Variants in KDM6A observed in about 807,000 individuals in gnomAD.
KDM6A encodes the protein lysine-specific demethylase 6A.
A neutral mutation model predicts 117.6 loss-of-function variants in KDM6A; 11 were observed. That is an observed-to-expected ratio of 0.09 (90% CI 0.06 to 0.15). The LOEUF (loss-of-function observed/expected upper bound fraction) is 0.15. Ranked by LOEUF, KDM6A falls within the 10% of genes least tolerant of loss-of-function variation. The pLI is 1.00. For synonymous variants in KDM6A, 384 were observed against 396.1 expected (o/e 0.97, Z 0.36); for missense variants, 799 against 1,077.3 (o/e 0.74, Z 3.62).
chrX:44,931,025 C>A (rs1602237349), intron 2 of KDM6A, among the ~76,000 whole-genome samples: 1 of 111,867 alleles, frequency 8.9e-6, no homozygotes, highest in East Asian at 2.8e-4. Context: ...AACAACCCCA[C>A]TTCTGTGTAT....
intron 2 of KDM6A, among the ~76,000 whole-genome samples, chrX:44,921,646 G>C (rs949134312): frequency 9.0e-6 from 1 of 111,186 alleles, no homozygotes; most frequent in Non-Finnish European, 1.9e-5. Flanking sequence ...TTAGTAGTCT[G>C]CTCTTATTGC....
At chrX:45,102,040 G>A (rs1011716280) in intron 27 of KDM6A, among the ~76,000 whole-genome samples, 11 of 111,305 alleles carry the variant, frequency 9.9e-5, no homozygotes, top group Non-Finnish European at 1.3e-4. Flanking sequence ...CTCTTTCTAT[G>A]GTCTCTTAAA....
intron 2 of KDM6A, among the ~76,000 whole-genome samples, chrX:44,880,961 C>T (rs2032229562): frequency 8.9e-6 from 1 of 112,000 alleles, no homozygotes; most frequent in Non-Finnish European, 1.9e-5. Context: ...CTTGATGTTC[C>T]TTCAGTGAGG....
At chrX:45,047,404 G>A (rs1441216502) in intron 8 of KDM6A, among the ~76,000 whole-genome samples, 2 of 102,588 alleles carry the variant, frequency 1.9e-5, no homozygotes, top group African/African-American at 7.1e-5. Flanking sequence ...ACTTTTGTGT[G>A]TTTGTATGTG....
rs370839985 is a variant in KDM6A at position 45,070,375 on chromosome X, C to G, written c.2858+18C>G. ...GCATGCAGGTTAGTGTGGGAAAGTT[C>G]ATCAAAGTGAAAATGTTTGACTTAC... On this transcript the variant is annotated intron_variant, in intron 18 of 29. Coordinates refer to ENST00000611820, the MANE Select transcript of KDM6A (RefSeq NM_001291415.2). 11 of 1,193,463 alleles carry G rather than the reference C, an allele frequency of 9.2e-6. No individual in the cohort carries two copies. In the African/African-American group the frequency reaches 1.9e-4, roughly 21 times the overall value.
At chrX:45,094,311 A>G (rs1433396147) in intron 27 of KDM6A, among the ~76,000 whole-genome samples, 1 of 111,868 alleles carries the variant, frequency 8.9e-6, no homozygotes, top group Non-Finnish European at 1.9e-5. Flanking sequence ...TGATGTTTCC[A>G]GCCCAAGGAG....
intron 27 of KDM6A, among the ~76,000 whole-genome samples, chrX:45,104,254 C>T (rs185733689): frequency 1.1e-3 from 129 of 112,303 alleles, no homozygotes; most frequent in African/African-American, 4.1e-3. Context: ...AAACTCCCAA[C>T]CTCAGGTGAT....
At chrX:44,912,216 G>A (rs1004918652) in intron 2 of KDM6A, among the ~76,000 whole-genome samples, 10 of 110,762 alleles carry the variant, frequency 9.0e-5, no homozygotes, top group Non-Finnish European at 1.3e-4. Flanking sequence ...AGCCTCCCGA[G>A]TAGCTGGGAC....
intron 2 of KDM6A, among the ~76,000 whole-genome samples, chrX:44,879,141 A>C (rs1427434630): frequency 8.9e-6 from 1 of 112,317 alleles, no homozygotes; most frequent in East Asian, 2.8e-4. Flanking sequence ...CTGCAGAGTA[A>C]GTCTTTTTCT....
At chrX:45,090,669 C>T (rs2148201782) in intron 26 of KDM6A, 54 bp from the exon 27 acceptor site, 13 of 1,175,703 alleles carry the variant, frequency 1.1e-5, no homozygotes, top group Non-Finnish European at 1.4e-5. Context: ...TAATGGTTAT[C>T]TTCATATCTT....
chrX:44,886,323 C>T (rs2032874546), intron 2 of KDM6A, among the ~76,000 whole-genome samples: 1 of 111,081 alleles, frequency 9.0e-6, no homozygotes, highest in Non-Finnish European at 1.9e-5. Flanking sequence ...GCTGGGATTA[C>T]AGGCGTGAGC....
intron 2 of KDM6A, among the ~76,000 whole-genome samples, chrX:44,941,374 C>T (rs1287582446): frequency 1.8e-5 from 2 of 111,386 alleles, no homozygotes; most frequent in African/African-American, 6.5e-5. Context: ...GTATTTTTGG[C>T]TTATCAAAGT....
chrX:44,974,137 G>T (rs2039503183), intron 3 of KDM6A, among the ~76,000 whole-genome samples: 1 of 111,293 alleles, frequency 9.0e-6, no homozygotes, highest in African/African-American at 3.3e-5. Flanking sequence ...TGGGATTGCG[G>T]ATCTCTGAAT....
At chrX:44,961,928 C>T (rs1337338612) in intron 3 of KDM6A, among the ~76,000 whole-genome samples, 2 of 111,340 alleles carry the variant, frequency 1.8e-5, no homozygotes, top group Admixed American at 9.6e-5. Flanking sequence ...TAGTCAGCCC[C>T]CTAAGATTTG....
intron 2 of KDM6A, among the ~76,000 whole-genome samples, chrX:44,875,801 GA>G (rs2031469415): frequency 9.0e-6 from 1 of 111,378 alleles, no homozygotes; most frequent in Non-Finnish European, 1.9e-5. Context: ...AAAATAAATG[GA>G]ATCTGATGTT....
At chrX:45,072,862 T>C (rs1485583017) in intron 18 of KDM6A, among the ~76,000 whole-genome samples, 2 of 104,119 alleles carry the variant, frequency 1.9e-5, no homozygotes, top group East Asian at 2.9e-4. Context: ...TAAAAAAATA[T>C]AATAATATAT....
chrX:44,984,938 A>G (rs1173945232), intron 4 of KDM6A, among the ~76,000 whole-genome samples: 50 of 110,629 alleles, frequency 4.5e-4, no homozygotes, highest in Non-Finnish European at 8.5e-4. Context: ...GTTTTTTCCA[A>G]TTCTGTGAAG....
intron 17 of KDM6A, among the ~76,000 whole-genome samples, chrX:45,067,355 A>G (rs1282073841): frequency 8.9e-6 from 1 of 112,085 alleles, no homozygotes; most frequent in Non-Finnish European, 1.9e-5. Context: ...AGAAGATGTA[A>G]TAAAATAGTT....
At chrX:45,069,523 C>G (rs2148032909) in intron 17 of KDM6A, 56 bp from the exon 18 acceptor site, 1 of 997,862 alleles carries the variant, frequency 1.0e-6, no homozygotes, top group Non-Finnish European at 1.4e-6. Context: ...ATTTTAAATT[C>G]TGTATATTCT....
Sources: gnomAD v4.1 joint callset for allele counts (sites outside exome capture counted in the v4.1 genomes callset) on GRCh38, gnomAD v4.1.1 for gene constraint, MANE v1.5 for transcripts, NCBI Gene and HGNC (gene_info 2026-07-23, HGNC 2026-07-21) for gene names.